Variants in ARHGAP15 observed in about 807,000 individuals in gnomAD.
The protein encoded by ARHGAP15 is Rho GTPase activating protein 15, also known as rho GTPase-activating protein 15.
ARHGAP15 carries 51 observed loss-of-function variants against 63.7 expected under a neutral mutation model. The observed-to-expected ratio is 0.80, with a 90% CI of 0.64 to 1.01. The LOEUF (loss-of-function observed/expected upper bound fraction) is 1.01. Among genes scored for constraint, ARHGAP15 ranks in the 50% least tolerant of loss-of-function variants. ARHGAP15 has a pLI of 0.00. For synonymous variants in ARHGAP15, 191 were observed against 193.8 expected (o/e 0.99, Z 0.12); for missense variants, 560 against 564.6 (o/e 0.99, Z 0.08).
intron 12 of ARHGAP15, among the ~76,000 whole-genome samples, chr2:143,660,651 T>C (rs895382567): frequency 6.6e-6 from 1 of 152,222 alleles, no homozygotes; most frequent in Non-Finnish European, 1.5e-5. Context: ...ACTGGGGTCA[T>C]CTTGATTTGA....
chr2:143,658,326 G>A (rs1192689061), intron 12 of ARHGAP15, among the ~76,000 whole-genome samples: 1 of 152,172 alleles, frequency 6.6e-6, no homozygotes, highest in Non-Finnish European at 1.5e-5. Context: ...ACAGAGCAGG[G>A]TAGAACTTCG....
chr2:143,671,058 T>C (rs1682497517), intron 12 of ARHGAP15, among the ~76,000 whole-genome samples: 1 of 152,224 alleles, frequency 6.6e-6, no homozygotes, highest in African/African-American at 2.4e-5. Context: ...GCATACCATC[T>C]GAGAAAATCA....
chr2:143,615,647 A>G (rs1455087517), intron 11 of ARHGAP15, among the ~76,000 whole-genome samples: 2 of 152,208 alleles, frequency 1.3e-5, no homozygotes, highest in African/African-American at 4.8e-5. Flanking sequence ...TATTTCCTAG[A>G]TATCATTAAG....
intron 11 of ARHGAP15, among the ~76,000 whole-genome samples, chr2:143,576,030 G>T (rs997811795): frequency 3.3e-5 from 5 of 152,066 alleles, no homozygotes; most frequent in Admixed American, 3.3e-4. Context: ...TAAACCGGAG[G>T]AGGTGGAACA....
chr2:143,494,591 A>G (rs1345044774), intron 9 of ARHGAP15, among the ~76,000 whole-genome samples: 1 of 152,108 alleles, frequency 6.6e-6, no homozygotes, highest in African/African-American at 2.4e-5. Flanking sequence ...TCTTTAAATG[A>G]TCAATTTCAT....
intron 10 of ARHGAP15, among the ~76,000 whole-genome samples, chr2:143,552,144 A>G (rs1293959548): frequency 1.3e-5 from 2 of 152,212 alleles, no homozygotes; most frequent in Non-Finnish European, 2.9e-5. Flanking sequence ...AGTGCCATAA[A>G]TCTCAGGAGA....
At chr2:143,360,504 A>C (rs1229927752) in intron 6 of ARHGAP15, among the ~76,000 whole-genome samples, 2 of 100,342 alleles carry the variant, frequency 2.0e-5, no homozygotes, top group Admixed American at 8.4e-5. Flanking sequence ...AAATTTTAGC[A>C]AAAAAAAAAA....
In ARHGAP15 at chr2:143,626,201, C is replaced by T. The variant is rs754255549; in HGVS notation, c.1138+1934C>T. Among the ~76,000 whole-genome samples, 14 of 152,090 alleles carry T rather than the reference C, an allele frequency of 9.2e-5. No individual in the cohort carries two copies. In the East Asian group the frequency reaches 1.2e-3, roughly 13 times the overall value. ...CCAACACCTATAAAATGGGTTATGG[C>T]GAGAATGAATAAGAAAGTGCCTAAG... On this transcript the variant is annotated intron_variant, in intron 12 of 13. Coordinates refer to ENST00000295095, the MANE Select transcript of ARHGAP15 (RefSeq NM_018460.4).
chr2:143,179,774 C>T lies in ARHGAP15; in HGVS notation c.166-22360C>T, dbSNP rs558796538. On this transcript the variant is annotated intron_variant, in intron 2 of 13. Transcript: ENST00000295095. Reference sequence around the variant, plus strand: ...GGGCGTGCTTTTCCATGCCTGTAGTCCCACCTACTTGGGAGGCTGAGGTGG... The same window carrying T: ...GGGCGTGCTTTTCCATGCCTGTAGTTCCACCTACTTGGGAGGCTGAGGTGG... 2.0e-5 allele frequency among the ~76,000 whole-genome samples: 3 copies of T among 152,162 alleles called. No homozygotes were observed. In the South Asian group the frequency reaches 6.2e-4, roughly 32 times the overall value.
chr2:143,394,244 G>A (rs1256947496), intron 6 of ARHGAP15, among the ~76,000 whole-genome samples: 1 of 152,102 alleles, frequency 6.6e-6, no homozygotes, highest in Non-Finnish European at 1.5e-5. Context: ...GACTCTTAGC[G>A]ATGAAAGCAG....
intron 1 of ARHGAP15, among the ~76,000 whole-genome samples, chr2:143,143,278 G>A (rs1364439203): frequency 1.3e-5 from 2 of 151,962 alleles, no homozygotes; most frequent in African/African-American, 4.8e-5. Context: ...GAGACTAAAG[G>A]CATCAAGAGA....
intron 8 of ARHGAP15, among the ~76,000 whole-genome samples, chr2:143,440,176 A>G (rs1178749179): frequency 1.3e-5 from 2 of 152,116 alleles, no homozygotes; most frequent in Non-Finnish European, 2.9e-5. Context: ...CACCCACACA[A>G]TATCAAATTA....
chr2:143,485,243 G>A (rs1272366709), intron 8 of ARHGAP15, among the ~76,000 whole-genome samples: 1 of 151,792 alleles, frequency 6.6e-6, no homozygotes, highest in Non-Finnish European at 1.5e-5. Context: ...CCCTCCCCTT[G>A]CCCCCACCCC....
intron 4 of ARHGAP15, among the ~76,000 whole-genome samples, chr2:143,226,629 G>C (rs1249104385): frequency 1.3e-5 from 2 of 152,124 alleles, no homozygotes; most frequent in Non-Finnish European, 2.9e-5. Flanking sequence ...TGGGCACTAG[G>C]GCAGAAGGAA....
chr2:143,444,572 T>C (rs1204884998), intron 8 of ARHGAP15, among the ~76,000 whole-genome samples: 1 of 152,206 alleles, frequency 6.6e-6, no homozygotes, highest in East Asian at 1.9e-4. Context: ...TTTTTGTTTC[T>C]GAAGTATGGT....
intron 2 of ARHGAP15, among the ~76,000 whole-genome samples, chr2:143,172,357 G>A (rs866245225): frequency 1.3e-5 from 2 of 152,028 alleles, no homozygotes; most frequent in African/African-American, 2.4e-5. Context: ...CGACTACAAG[G>A]AGTTTAGATT....
chr2:143,435,631 C>A lies in ARHGAP15; in HGVS notation c.505C>A (p.Leu169Ile), dbSNP rs754588227. The A allele has an allele frequency of 2.6e-6, 4 of 1,555,992 alleles. No homozygotes were observed. The highest frequency in any genetic ancestry group is 3.5e-6 in the Non-Finnish European group (4 of 1,156,752). The change falls in exon 7 of 14, where the codon CTA becomes ATA. Residue 169 changes from leucine (L) to isoleucine (I), a missense_variant. Leu to Ile is a conservative substitution (Grantham distance 5, BLOSUM62 2). Transcript: ENST00000295095. ...AACAGTATCAGGAAATGAGTTCCTTCTACAGTCAGATATTGACTTCATCAT... is the reference window on the plus strand; with the variant it reads ...AACAGTATCAGGAAATGAGTTCCTTATACAGTCAGATATTGACTTCATCAT... ...ITTVSGNEFL[L>I]QSDIDFIILD...
intron 2 of ARHGAP15, among the ~76,000 whole-genome samples, chr2:143,175,839 A>G (rs1313452915): frequency 6.6e-6 from 1 of 152,176 alleles, no homozygotes; most frequent in Non-Finnish European, 1.5e-5. Flanking sequence ...TGTGGTTTCA[A>G]TGGAAAAAGA....
intron 10 of ARHGAP15, among the ~76,000 whole-genome samples, chr2:143,523,169 C>T (rs1694128103): frequency 6.6e-6 from 1 of 151,926 alleles, no homozygotes; most frequent in Non-Finnish European, 1.5e-5. Flanking sequence ...TATTGAGTAC[C>T]TACTTTGTGT....
Sources: allele counts gnomAD v4.1 joint callset (sites outside exome capture counted in the v4.1 genomes callset), GRCh38; gene constraint gnomAD v4.1.1; transcripts MANE v1.5; gene names NCBI Gene and HGNC (gene_info 2026-07-23, HGNC 2026-07-21).